Variants in PLA2G4A observed in about 807,000 individuals in gnomAD.
PLA2G4A encodes cytosolic phospholipase A2.
A neutral mutation model predicts 81.9 loss-of-function variants in PLA2G4A; 40 were observed. The ratio of observed to expected loss-of-function variants is 0.49; its 90% CI spans 0.38 to 0.64. The LOEUF is 0.64. PLA2G4A is among the 30% of genes least tolerant of loss of function. The pLI, the probability that PLA2G4A is intolerant of heterozygous loss-of-function variation, is 0.00. For missense variants in PLA2G4A, 715 were observed against 905.1 expected (o/e 0.79, Z 2.69); for synonymous variants, 302 against 296.9 (o/e 1.02, Z -0.18).
intron 17 of PLA2G4A, among the ~76,000 whole-genome samples, chr1:186,983,781 A>C (rs1657804839): frequency 6.6e-6 from 1 of 152,040 alleles, no homozygotes. Context: ...ATGCAGAGGC[A>C]TTGGAGTCTG....
At chr1:186,975,774 T>C (rs1657509577) in intron 15 of PLA2G4A, among the ~76,000 whole-genome samples, 1 of 152,190 alleles carries the variant, frequency 6.6e-6, no homozygotes, top group African/African-American at 2.4e-5. Context: ...TTGTTTCTTG[T>C]TGAGCTGTGG....
At chr1:186,941,110 C>G (rs1263678486) in intron 10 of PLA2G4A, among the ~76,000 whole-genome samples, 1 of 88,576 alleles carries the variant, frequency 1.1e-5, no homozygotes, top group Non-Finnish European at 2.0e-5. Flanking sequence ...GAGACTCCGT[C>G]TCAAAAAAAA....
intron 3 of PLA2G4A, among the ~76,000 whole-genome samples, chr1:186,871,663 G>C (rs899788091): frequency 5.3e-5 from 8 of 152,098 alleles, no homozygotes; most frequent in Non-Finnish European, 1.0e-4. Context: ...TAACGGAGGT[G>C]GGGGCTGGAA....
At chr1:186,979,664 C>T (rs1304007703) in intron 17 of PLA2G4A, among the ~76,000 whole-genome samples, 192 bp downstream of exon 17, 1 of 152,086 alleles carries the variant, frequency 6.6e-6, no homozygotes, top group Non-Finnish European at 1.5e-5. Context: ...AATAAGGAAA[C>T]TCATTTTATG....
Position 186,916,276 on chromosome 1 carries a change from G to T in PLA2G4A, c.558+4887G>T, listed in dbSNP as rs116706590. Among the ~76,000 whole-genome samples the T allele has an allele frequency of 5.9e-3, 900 of 152,236 alleles. 2 individuals are homozygous for T. Among genetic ancestry groups the T allele is most frequent in the Middle Eastern group, 0.041 (12 of 294 alleles). ...TTTCCAGTGAGGATTAAGGGGATTG[G>T]TTATCACTAGCTCTAAGGGGTTACA... On this transcript the variant is annotated intron_variant, in intron 7 of 17. Coordinates refer to ENST00000367466, the MANE Select transcript of PLA2G4A (RefSeq NM_024420.3).
intron 16 of PLA2G4A, among the ~76,000 whole-genome samples, chr1:186,978,363 G>T (rs558351211): frequency 6.6e-6 from 1 of 152,110 alleles, no homozygotes; most frequent in African/African-American, 2.4e-5. Context: ...AGATTTACAT[G>T]CAGGGTGCTT....
intron 2 of PLA2G4A, among the ~76,000 whole-genome samples, chr1:186,869,857 C>T (rs1406480783): frequency 2.0e-5 from 3 of 152,164 alleles, no homozygotes; most frequent in Non-Finnish European, 4.4e-5. Context: ...AGTCCTCTAC[C>T]TGTTAATGTT....
rs1222901312 is a variant in PLA2G4A, at chr1:186,955,803, G to A, written c.1337-299G>A. Among the ~76,000 whole-genome samples, 7 of 131,366 alleles carry A rather than the reference G, an allele frequency of 5.3e-5. No individual in the cohort carries two copies. In the East Asian group the frequency reaches 1.2e-3, roughly 22 times the overall value. 86.2% of individuals were successfully genotyped at this position (131,366 alleles called of 152,430 possible). A position where few individuals can be genotyped will look rare whatever the true frequency, so the allele number is the denominator to read the frequency against. On this transcript the variant is annotated intron_variant, in intron 13 of 17. Transcript: ENST00000367466. ...GGCTGGAGTGCAGTGATGCAATATC[G>A]GCTCACTGCAACCTCCGCCTCCCGG... is the stretch of plus-strand genomic sequence containing the variant.
At chr1:186,869,508 A>G (rs1653161312) in intron 2 of PLA2G4A, among the ~76,000 whole-genome samples, 1 of 152,224 alleles carries the variant, frequency 6.6e-6, no homozygotes, top group East Asian at 1.9e-4. Flanking sequence ...ATTTTTGTCC[A>G]TATATTCTAC....
chr1:186,946,647 A>G lies in PLA2G4A; in HGVS notation c.1044A>G (p.Glu348=), dbSNP rs572102047. 6.2e-7 allele frequency: 1 copy of G among 1,610,628 alleles called. No homozygotes were observed. The highest frequency in any genetic ancestry group is 1.7e-5 in the Admixed American group (1 of 59,904). Reference sequence around the variant, plus strand: ...TTAAAATACTTTCAGATTGGGTTGAATTTAGTCCATACGAAATTGGCATGG... The same window carrying G: ...TTAAAATACTTTCAGATTGGGTTGAGTTTAGTCCATACGAAATTGGCATGG... ...VSELMFADWV[E]FSPYEIGMAK... is the part of the protein sequence containing the mutation. Residue 348 remains glutamate, a synonymous_variant, in exon 11 of 18, where the codon GAA becomes GAG. Coordinates refer to ENST00000367466, the MANE Select transcript of PLA2G4A (RefSeq NM_024420.3).
chr1:186,856,657 T>A (rs1362096607), intron 2 of PLA2G4A, among the ~76,000 whole-genome samples: 1 of 151,992 alleles, frequency 6.6e-6, no homozygotes, highest in Non-Finnish European at 1.5e-5. Context: ...GAAAAAATTA[T>A]TTATAATAAC....
At chr1:186,833,254 G>A (rs1419572587) in intron 1 of PLA2G4A, among the ~76,000 whole-genome samples, 1 of 152,076 alleles carries the variant, frequency 6.6e-6, no homozygotes, top group Non-Finnish European at 1.5e-5. Context: ...AAATCAGCTG[G>A]ATATGGTGGC....
rs538666641 is a variant in PLA2G4A, at chr1:186,943,385, T to C, written c.1034-3252T>C. Among the ~76,000 whole-genome samples the C allele has an allele frequency of 1.1e-3, 161 of 152,350 alleles. 1 individual carries two copies. The highest frequency in any genetic ancestry group is 3.5e-3 in the African/African-American group (145 of 41,590). ...AACTGCATTTATGGATTACAACTTA[T>C]GGTTATGAACTTAGCATCATGCTAA... On this transcript the variant is annotated intron_variant, in intron 10 of 17. Transcript: ENST00000367466.
intron 1 of PLA2G4A, among the ~76,000 whole-genome samples, chr1:186,847,464 C>T (rs1195417853): frequency 1.3e-5 from 2 of 151,738 alleles, no homozygotes; most frequent in African/African-American, 2.4e-5. Context: ...CCACATTCCT[C>T]GTTCTGCCAT....
At chr1:186,855,710 T>C (rs1652527065) in intron 2 of PLA2G4A, among the ~76,000 whole-genome samples, 1 of 152,112 alleles carries the variant, frequency 6.6e-6, no homozygotes, top group East Asian at 1.9e-4. Context: ...CATTGCCTTG[T>C]GGTTTTTCAT....
In PLA2G4A at chr1:186,965,577, C is replaced by G; in HGVS notation, c.1748C>G (p.Ser583Cys). ...GACTTTTCTGCAAGGCCAAGTGACT[C>G]TAGTCCTCCGTTCAAGGTAAGGATA... Reference protein sequence around the residue: ...SFDFSARPSDSSPPFKELLLA... With the variant: ...SFDFSARPSDCSPPFKELLLA... Residue 583 changes from serine (S) to cysteine (C), a missense_variant, in exon 15 of 18, where the codon TCT (serine) becomes TGT (cysteine). Coordinates refer to ENST00000367466, the MANE Select transcript of PLA2G4A (RefSeq NM_024420.3). The G allele has an allele frequency of 6.2e-7, 1 of 1,611,348 alleles. No individual in the cohort carries two copies. The highest frequency in any genetic ancestry group is 1.1e-5 in the South Asian group (1 of 91,042).
intron 2 of PLA2G4A, among the ~76,000 whole-genome samples, chr1:186,869,067 A>G (rs902055160): frequency 1.3e-4 from 20 of 150,216 alleles, no homozygotes; most frequent in Admixed American, 4.0e-4. Context: ...GTTTTTGTTT[A>G]CCTTGGATTT....
intron 3 of PLA2G4A, among the ~76,000 whole-genome samples, chr1:186,874,409 G>T (rs953094246): frequency 1.1e-4 from 16 of 152,006 alleles, no homozygotes; most frequent in African/African-American, 3.9e-4. Flanking sequence ...GATCCTGAAT[G>T]ATAATGGAGG....
chr1:186,982,117 TATC>T (rs1399925969), intron 17 of PLA2G4A, among the ~76,000 whole-genome samples: 5 of 151,954 alleles, frequency 3.3e-5, no homozygotes, highest in Admixed American at 6.6e-5. Flanking sequence ...CACAGGGGAG[TATC>T]TTTATGACTT....
Sources: allele counts gnomAD v4.1 joint callset (sites outside exome capture counted in the v4.1 genomes callset), GRCh38; gene constraint gnomAD v4.1.1; transcripts MANE v1.5; gene names NCBI Gene and HGNC (gene_info 2026-07-23, HGNC 2026-07-21).